ZNF607: variants seen among roughly 807,000 people sequenced by gnomAD.
ZNF607 encodes the protein zinc finger protein 607.
A neutral mutation model predicts 12.8 loss-of-function variants in ZNF607; 5 were observed. That is an observed-to-expected ratio of 0.39 (90% CI 0.20 to 0.82). ZNF607 has a LOEUF of 0.82. ZNF607 is among the 40% of genes least tolerant of loss of function. The pLI, the probability that ZNF607 is intolerant of heterozygous loss-of-function variation, is 0.39. For synonymous variants in ZNF607, 287 were observed against 276.2 expected (o/e 1.04, Z -0.39); for missense variants, 851 against 859.2 (o/e 0.99, Z 0.12).
chr19:37,718,284 T>G (rs769446603), intron 1 of ZNF607, among the ~76,000 whole-genome samples: 32 of 152,164 alleles, frequency 2.1e-4, no homozygotes, highest in Non-Finnish European at 3.7e-4. Context: ...CACGGCTAAG[T>G]TCATATTCTT....
intron 4 of ZNF607, among the ~76,000 whole-genome samples, chr19:37,702,793 A>C (rs1318485931): frequency 6.6e-6 from 1 of 152,164 alleles, no homozygotes; most frequent in Non-Finnish European, 1.5e-5. Context: ...AACCTATAAA[A>C]ATACAAGGTT....
rs1348829433 is a variant in ZNF607, at chr19:37,697,032, G to A, written c.*1008C>T. ...AGCCACCAGTGACTTGAGGATCTCC[G>A]TGGTAATGAACGGCAGCACACACTC... On this transcript the variant is annotated 3_prime_UTR_variant, in exon 5 of 5. Coordinates refer to ENST00000355202, the MANE Select transcript of ZNF607 (RefSeq NM_032689.5). The A allele has an allele frequency of 1.5e-5, 11 of 727,806 alleles. No homozygotes were observed. The highest frequency in any genetic ancestry group is 5.2e-5 in the African/African-American group (3 of 57,894). 45.1% of individuals were successfully genotyped at this position (727,806 alleles called of 1,614,324 possible). A position where few individuals can be genotyped will look rare whatever the true frequency, so the allele number is the denominator to read the frequency against.
intron 1 of ZNF607, among the ~76,000 whole-genome samples, chr19:37,717,583 G>GCCATTTTTGTATTTTAGTAGAC (rs1290044236): frequency 6.6e-6 from 1 of 150,430 alleles, no homozygotes; most frequent in African/African-American, 2.4e-5. Context: ...ATCACCTGAG[G>GCCATTTTTGTATTTTAGTAGAC]TTGGGAGTTC....
intron 1 of ZNF607, among the ~76,000 whole-genome samples, chr19:37,717,027 C>T (rs1456574343): frequency 6.6e-6 from 1 of 152,114 alleles, no homozygotes; most frequent in Non-Finnish European, 1.5e-5. Flanking sequence ...CTAATGGGAA[C>T]AGGTACACAA....
In ZNF607 at chr19:37,707,931, G is replaced by T; in HGVS notation, c.218C>A (p.Thr73Lys). 1 of 1,613,858 alleles carries T rather than the reference G, an allele frequency of 6.2e-7. No homozygotes were observed. Among genetic ancestry groups the T allele is most frequent in the Non-Finnish European group, 8.5e-7 (1 of 1,179,872 alleles). The change falls in exon 4 of 5, where the codon ACA becomes AAA. Residue 73 changes from threonine (T) to lysine (K), a missense_variant. By Grantham distance (78) the Thr-to-Lys change is moderately conservative. Transcript: ENST00000355202. ...KEPWMIVREE[T>K]RGECTDLDSR... ...GCTCTTACCTGTACACTCTCCTCTT[G>T]TTTCTTCCCTCACAATCATCCATGG... is the stretch of plus-strand genomic sequence containing the variant.
intron 1 of ZNF607, among the ~76,000 whole-genome samples, chr19:37,713,221 T>G (rs1239603382): frequency 6.6e-6 from 1 of 152,024 alleles, no homozygotes. Context: ...CTCAGACTGA[T>G]GTCTCTGTTA....
intron 4 of ZNF607, among the ~76,000 whole-genome samples, chr19:37,705,650 A>G (rs2045075432): frequency 7.1e-6 from 1 of 139,880 alleles, no homozygotes. Context: ...GCACCACTGC[A>G]CTCCAGCCTG....
Position 37,697,927 on chromosome 19 carries a change from CT to C in ZNF607, c.*112del. ...AATACAAATTGATGCCTAATAAAAA[CT>C]GAACTGTATCTCAAAGCCATTCCAC... On this transcript the variant is annotated 3_prime_UTR_variant, in exon 5 of 5. Transcript: ENST00000355202. The C allele has an allele frequency of 9.3e-7, 1 of 1,070,594 alleles. No homozygotes were observed. The highest frequency in any genetic ancestry group is 1.3e-6 in the Non-Finnish European group (1 of 750,358). The allele number at this position is 1,070,594 out of a possible 1,614,324, so 66.3% of individuals were successfully genotyped here.
In ZNF607 at chr19:37,697,316, AT is replaced by A. The variant is rs1310154876; in HGVS notation, c.*723del. 2 of 1,129,986 alleles carry A rather than the reference AT, an allele frequency of 1.8e-6. No homozygotes were observed. The highest frequency in any genetic ancestry group is 1.3e-6 in the Non-Finnish European group (1 of 747,704). The allele number at this position is 1,129,986 out of a possible 1,614,324, so 70.0% of individuals were successfully genotyped here. A position where few individuals can be genotyped will look rare whatever the true frequency, so the allele number is the denominator to read the frequency against. ...TGGCAGCTCTGTGCCCAGCATCCAC[AT>A]TACATAAGGCAGAGTTCACCATGCC... is the stretch of plus-strand genomic sequence containing the variant. On this transcript the variant is annotated 3_prime_UTR_variant, in exon 5 of 5. Transcript: ENST00000355202.
At chr19:37,703,537 G>A (rs2045057081) in intron 4 of ZNF607, among the ~76,000 whole-genome samples, 1 of 152,058 alleles carries the variant, frequency 6.6e-6, no homozygotes, top group African/African-American at 2.4e-5. Context: ...CAGAGAAATT[G>A]GAACCCTTAT....
At chr19:37,701,458 A>G (rs1599661501) in intron 4 of ZNF607, among the ~76,000 whole-genome samples, 1 of 152,050 alleles carries the variant, frequency 6.6e-6, no homozygotes, top group Admixed American at 6.6e-5. Flanking sequence ...CAAAGCGCTC[A>G]CCCTGTCATT....
chr19:37,698,798 C>A lies in ZNF607; in HGVS notation c.1333G>T (p.Gly445Cys). The change falls in exon 5 of 5, where the codon GGT (glycine) becomes TGT (cysteine). Residue 445 changes from glycine (G) to cysteine (C), a missense_variant. Physicochemically the swap from Gly to Cys is radical, Grantham distance 159 (BLOSUM62 -3). Coordinates refer to ENST00000355202, the MANE Select transcript of ZNF607 (RefSeq NM_032689.5). ...TCTTTACATTCAAAGGGTTTGTAAC[C>A]AGTATGAATTCTGTTATGATGGGCA... ...HLAHHNRIHT[G>C]YKPFECKECG... 1 of 1,613,724 alleles carries A rather than the reference C, an allele frequency of 6.2e-7. No individual in the cohort carries two copies. Among genetic ancestry groups the A allele is most frequent in the African/African-American group, 1.3e-5 (1 of 74,936 alleles).
chr19:37,712,778 G>A (rs1353690951), intron 1 of ZNF607, among the ~76,000 whole-genome samples: 1 of 152,002 alleles, frequency 6.6e-6, no homozygotes, highest in African/African-American at 2.4e-5. Context: ...TTGTTAAGGT[G>A]GGAATTTCAA....
chr19:37,719,680 A>T lies in ZNF607; in HGVS notation c.-486T>A, dbSNP rs1409790805. On this transcript the variant is annotated 5_prime_UTR_variant, in exon 1 of 5. Transcript: ENST00000355202. ...GAGAAATGGAGTCCAGAATCCTAAA[A>T]ACCTACGAGAAATACGGCAGCGACC... 6.6e-6 allele frequency: 1 copy of T among 152,290 alleles called. No homozygotes were observed. The highest frequency in any genetic ancestry group is 1.5e-5 in the Non-Finnish European group (1 of 68,134). 9.4% of individuals were successfully genotyped at this position (152,290 alleles called of 1,614,324 possible). A position where few individuals can be genotyped will look rare whatever the true frequency, so the allele number is the denominator to read the frequency against.
chr19:37,699,210 T>C lies in ZNF607; in HGVS notation c.921A>G (p.Lys307=). The C allele has an allele frequency of 6.2e-7, 1 of 1,614,068 alleles. No individual in the cohort carries two copies. Residue 307 remains lysine, a synonymous_variant, in exon 5 of 5, where the codon AAA becomes AAG. Coordinates refer to ENST00000355202, the MANE Select transcript of ZNF607 (RefSeq NM_032689.5). ...TCCCGCATTCCTTGCATTCATAGGG[T>C]TTTTCTCCAGTATGAATTCTTTTAT... ...VGHKRIHTGE[K]PYECKECGKG...
At chr19:37,708,914 G>A (rs1396296931) in intron 3 of ZNF607, among the ~76,000 whole-genome samples, 1 of 151,770 alleles carries the variant, frequency 6.6e-6, no homozygotes, top group Non-Finnish European at 1.5e-5. Context: ...GTGACCTTGG[G>A]CAAGTTACTT....
At chr19:37,702,287 CAAAAAAA>C (rs10714690) in intron 4 of ZNF607, among the ~76,000 whole-genome samples, 3 of 73,600 alleles carry the variant, frequency 4.1e-5, no homozygotes, top group South Asian at 1.1e-3. Context: ...AACTCCATCT[CAAAAAAA>C]AAAAAAAAAA....
intron 1 of ZNF607, among the ~76,000 whole-genome samples, chr19:37,715,069 G>C (rs1366902712): frequency 1.3e-5 from 2 of 151,816 alleles, no homozygotes; most frequent in East Asian, 3.9e-4. Flanking sequence ...ACCATGCCCG[G>C]CTAATTTTTT....
At chr19:37,706,037 C>A (rs1055784779) in intron 4 of ZNF607, among the ~76,000 whole-genome samples, 4 of 151,988 alleles carry the variant, frequency 2.6e-5, no homozygotes, top group Non-Finnish European at 5.9e-5. Flanking sequence ...CCTGTCTCTA[C>A]TAAAAATACA....
Sources: allele counts gnomAD v4.1 joint callset (sites outside exome capture counted in the v4.1 genomes callset), GRCh38; gene constraint gnomAD v4.1.1; transcripts MANE v1.5; gene names NCBI Gene and HGNC (gene_info 2026-07-23, HGNC 2026-07-21).